AKAP3: variants seen among roughly 807,000 people sequenced by gnomAD.
The protein encoded by AKAP3 is A-kinase anchor protein 3.
AKAP3 carries 27 observed loss-of-function variants against 57.2 expected under a neutral mutation model. That is an observed-to-expected ratio of 0.47 (90% CI 0.35 to 0.65). The LOEUF is 0.65. Ranked by LOEUF, AKAP3 falls within the 30% of genes least tolerant of loss-of-function variation. The probability of loss-of-function intolerance (pLI) is 0.01; values close to 1 mark genes in which losing one functional copy is unlikely to be tolerated. For synonymous variants in AKAP3, 334 were observed against 392.3 expected (o/e 0.85, Z 1.76); for missense variants, 959 against 1,040.0 (o/e 0.92, Z 1.07).
chr12:4,627,698 C>T lies in AKAP3; in HGVS notation c.1204G>A (p.Glu402Lys), dbSNP rs867490724. The T allele has an allele frequency of 1.2e-6, 2 of 1,614,130 alleles. No individual in the cohort carries two copies. The highest frequency in any genetic ancestry group is 1.1e-5 in the South Asian group (1 of 91,080). Residue 402 changes from glutamate (E) to lysine (K), a missense_variant, in exon 5 of 6, where the codon GAG becomes AAG. By Grantham distance (56) the Glu-to-Lys change is moderately conservative. Coordinates refer to ENST00000228850, the MANE Select transcript of AKAP3 (RefSeq NM_001278309.2). ...EHVRKAQDKA[E>K]SYSLISMKGM... ...TTCATGGAGATGAGGGAATAACTCT[C>T]AGCCTTGTCTTGGGCTTTCCTGACA...
chr12:4,633,398 T>C (rs1247441239), intron 4 of AKAP3, among the ~76,000 whole-genome samples: 5 of 152,232 alleles, frequency 3.3e-5, no homozygotes, highest in Admixed American at 6.5e-5. Flanking sequence ...TTAATGTCTA[T>C]ATATTTTTAA....
Position 4,625,425 on chromosome 12 carries a change from G to A in AKAP3, c.2406+1071C>T, listed in dbSNP as rs932468730. On this transcript the variant is annotated intron_variant, in intron 5 of 5. Coordinates refer to ENST00000228850, the MANE Select transcript of AKAP3 (RefSeq NM_001278309.2). The surrounding 1 kb of genome is among the most constrained non-coding windows in gnomAD (Gnocchi z 5.4). ...CAGTTTCTTGTTTAGGCTTGATATA[G>A]CCTAATCTGGATGCTCTGTAATCGT... is the stretch of plus-strand genomic sequence containing the variant. Among the ~76,000 whole-genome samples, 1 of 152,144 alleles carries A rather than the reference G, an allele frequency of 6.6e-6. No individual in the cohort carries two copies. The highest frequency in any genetic ancestry group is 1.5e-5 in the Non-Finnish European group (1 of 68,014).
chr12:4,620,805 T>G (rs576617674), intron 5 of AKAP3, among the ~76,000 whole-genome samples: 2 of 152,328 alleles, frequency 1.3e-5, no homozygotes, highest in South Asian at 2.1e-4. Flanking sequence ...CTATTACATA[T>G]AGTGGATAGT....
chr12:4,635,929 C>T (rs551163742), intron 4 of AKAP3: 1 of 814,524 alleles, frequency 1.2e-6, no homozygotes, highest in Non-Finnish European at 2.1e-6. Context: ...ATCACCAACA[C>T]TAGCAGTTGG....
chr12:4,648,831 T>G lies in AKAP3; in HGVS notation c.-331A>C. On this transcript the variant is annotated 5_prime_UTR_variant, in exon 1 of 6. Transcript: ENST00000228850. ...GCTCTTCTACCTCGGGTCTTGCCAT[T>G]TTGCATGTCCTGAGTCAGTCACTGG... 2.6e-6 allele frequency: 1 copy of G among 381,552 alleles called. No homozygotes were observed. Among genetic ancestry groups the G allele is most frequent in the Non-Finnish European group, 4.7e-6 (1 of 212,340 alleles). The allele number at this position is 381,552 out of a possible 1,614,324, so 23.6% of individuals were successfully genotyped here.
In AKAP3 at chr12:4,627,229, T is replaced by C. The variant is rs781317216; in HGVS notation, c.1673A>G (p.Asn558Ser). 1.2e-6 allele frequency: 2 copies of C among 1,613,944 alleles called. No individual in the cohort carries two copies. Among genetic ancestry groups the C allele is most frequent in the African/African-American group, 2.7e-5 (2 of 74,912 alleles). Reference protein sequence around the residue: ...RSFVEAAGTTNFPANEPPVAP... With the variant: ...RSFVEAAGTTSFPANEPPVAP... ...TACAGGAGGTTCATTGGCAGGAAAG[T>C]TGGTGGTGCCAGCAGCTTCAACGAA... The change falls in exon 5 of 6, where the codon AAC becomes AGC. Residue 558 changes from asparagine (N) to serine (S), a missense_variant. Coordinates refer to ENST00000228850, the MANE Select transcript of AKAP3 (RefSeq NM_001278309.2).
intron 5 of AKAP3, among the ~76,000 whole-genome samples, chr12:4,626,072 G>C (rs1945408523): frequency 6.6e-6 from 1 of 151,962 alleles, no homozygotes; most frequent in Non-Finnish European, 1.5e-5. Context: ...AGACAGTAAT[G>C]GCATGTTTGA....
intron 3 of AKAP3, among the ~76,000 whole-genome samples, chr12:4,640,301 G>A (rs2137447944): frequency 6.6e-6 from 1 of 152,296 alleles, no homozygotes; most frequent in East Asian, 1.9e-4. Flanking sequence ...GAATATCTCT[G>A]TGCTTTGATT....
At position 4,625,935 on chromosome 12, in the gene AKAP3, G is replaced by GTTGAT. The variant is rs1291470720; in HGVS notation, c.2406+556_2406+560dup. On this transcript the variant is annotated intron_variant, in intron 5 of 5. Coordinates refer to ENST00000228850, the MANE Select transcript of AKAP3 (RefSeq NM_001278309.2). The surrounding 1 kb of genome is among the most constrained non-coding windows in gnomAD (Gnocchi z 5.4). ...CCTTTATCAGTAATAACAGTGATAA[G>GTTGAT]TTGATTTCCCATCTACCTTATGCTT... 1.3e-5 allele frequency among the ~76,000 whole-genome samples: 2 copies of GTTGAT among 152,120 alleles called. No homozygotes were observed. The highest frequency in any genetic ancestry group is 2.4e-5 in the African/African-American group (1 of 41,438).
chr12:4,636,604 A>C (rs1450180322), intron 4 of AKAP3, among the ~76,000 whole-genome samples: 1 of 60,746 alleles, frequency 1.6e-5, no homozygotes, highest in East Asian at 4.8e-4. Context: ...ATAGTAATTG[A>C]ATATTTATTA....
chr12:4,631,921 C>CA (rs1009231426), intron 4 of AKAP3, among the ~76,000 whole-genome samples: 1 of 151,884 alleles, frequency 6.6e-6, no homozygotes, highest in African/African-American at 2.4e-5. Flanking sequence ...TTTACAGATC[C>CA]AAAAAAGCCA....
intron 3 of AKAP3, among the ~76,000 whole-genome samples, chr12:4,640,844 C>T (rs1945628192): frequency 6.6e-6 from 1 of 152,064 alleles, no homozygotes; most frequent in Non-Finnish European, 1.5e-5. Flanking sequence ...GTTACTACCC[C>T]CCGAAAATCT....
chr12:4,630,766 G>T (rs1945487565), intron 4 of AKAP3, among the ~76,000 whole-genome samples: 1 of 152,126 alleles, frequency 6.6e-6, no homozygotes, highest in African/African-American at 2.4e-5. Context: ...ACACCTATAA[G>T]GGGAGGGTCG....
intron 5 of AKAP3, among the ~76,000 whole-genome samples, chr12:4,617,979 A>G (rs1397781041): frequency 6.6e-6 from 1 of 152,158 alleles, no homozygotes; most frequent in East Asian, 1.9e-4. Flanking sequence ...ATTAACCACT[A>G]AAAAAACTAC....
chr12:4,641,632 T>G (rs1223766115), intron 3 of AKAP3, among the ~76,000 whole-genome samples: 1 of 152,236 alleles, frequency 6.6e-6, no homozygotes, highest in African/African-American at 2.4e-5. Context: ...TATGCTTGCA[T>G]CGTTACTATA....
At chr12:4,639,792 GA>G (rs1945613883) in intron 3 of AKAP3, among the ~76,000 whole-genome samples, 1 of 150,008 alleles carries the variant, frequency 6.7e-6, no homozygotes, top group African/African-American at 2.4e-5. Flanking sequence ...TTCCATGATG[GA>G]TATGTGCCAC....
At chr12:4,641,536 T>C (rs1945637911) in intron 3 of AKAP3, among the ~76,000 whole-genome samples, 1 of 152,238 alleles carries the variant, frequency 6.6e-6, no homozygotes, top group African/African-American at 2.4e-5. Flanking sequence ...GTTAATGTTT[T>C]GTTATCTTAA....
chr12:4,638,733 G>T (rs144021275), intron 3 of AKAP3, among the ~76,000 whole-genome samples: 12 of 152,310 alleles, frequency 7.9e-5, no homozygotes, highest in African/African-American at 2.9e-4. Flanking sequence ...CATTAGCCAA[G>T]GATCCTGGGG....
intron 4 of AKAP3, among the ~76,000 whole-genome samples, chr12:4,629,688 C>T (rs1207108571): frequency 6.6e-5 from 10 of 152,170 alleles, no homozygotes; most frequent in Admixed American, 5.2e-4. Context: ...AGCAGTTGAA[C>T]TGAATCAGAT....
Sources: gnomAD v4.1 joint callset for allele counts (sites outside exome capture counted in the v4.1 genomes callset) on GRCh38, gnomAD v4.1.1 for gene constraint, Gnocchi (gnomAD v3.1) non-coding constraint, MANE v1.5 for transcripts, NCBI Gene and HGNC (gene_info 2026-07-23, HGNC 2026-07-21) for gene names.